Variants in GPC6 observed in about 807,000 individuals in gnomAD.
GPC6 encodes the protein glypican 6, also known as glypican-6.
In GPC6, 14 loss-of-function variants were observed where a neutral mutation model predicts 55.2. That is an observed-to-expected ratio of 0.25 (90% CI 0.17 to 0.40). GPC6 has a LOEUF of 0.40. Ranked by LOEUF, GPC6 falls within the 10% of genes least tolerant of loss-of-function variation. The probability of loss-of-function intolerance (pLI) is 1.00; values close to 1 mark genes in which losing one functional copy is unlikely to be tolerated. For synonymous variants in GPC6, 278 were observed against 259.6 expected, an observed-to-expected ratio of 1.07 and a Z score of -0.68; for missense variants, 641 against 708.5, an observed-to-expected ratio of 0.90 and a Z score of 1.08.
chr13:93,628,239 T>G (rs9561416), intron 2 of GPC6, among the ~76,000 whole-genome samples: 63,196 of 152,090 alleles, frequency 0.42, 14,856 homozygotes, highest in Middle Eastern at 0.61. Context: ...CAGTCCATTC[T>G]CTCCAGATGC....
At chr13:94,294,530 A>C (rs1875217748) in intron 5 of GPC6, among the ~76,000 whole-genome samples, 1 of 151,968 alleles carries the variant, frequency 6.6e-6, no homozygotes. Context: ...TCATCTGTGA[A>C]AGGAGGGGTT....
chr13:93,247,974 A>G (rs1279084087), intron 1 of GPC6, among the ~76,000 whole-genome samples: 1 of 152,212 alleles, frequency 6.6e-6, no homozygotes, highest in Non-Finnish European at 1.5e-5. Flanking sequence ...TATTTTTTCC[A>G]TTTTGTTGTT....
chr13:93,855,578 T>A (rs571162363), intron 3 of GPC6, among the ~76,000 whole-genome samples: 3 of 151,636 alleles, frequency 2.0e-5, no homozygotes, highest in African/African-American at 7.3e-5. Context: ...TTTATAGTTT[T>A]GGGAGAAACT....
chr13:93,551,910 TACAC>T (rs1430571395), intron 2 of GPC6, among the ~76,000 whole-genome samples: 2 of 152,168 alleles, frequency 1.3e-5, no homozygotes, highest in Non-Finnish European at 2.9e-5. Flanking sequence ...TGTATAATCA[TACAC>T]ACACAAACAC....
intron 3 of GPC6, among the ~76,000 whole-genome samples, chr13:93,885,498 G>T (rs867072664): frequency 1.3e-5 from 2 of 151,338 alleles, no homozygotes; most frequent in Admixed American, 6.6e-5. Flanking sequence ...AAGAAAATAC[G>T]AGAGATTCAA....
intron 6 of GPC6, among the ~76,000 whole-genome samples, chr13:94,380,573 T>G (rs35184091): frequency 6.6e-6 from 1 of 152,210 alleles, no homozygotes; most frequent in Admixed American, 6.5e-5. Flanking sequence ...ATATTTATTG[T>G]TATTCTTGAT....
chr13:93,881,641 A>G (rs1338144533), intron 3 of GPC6, among the ~76,000 whole-genome samples: 1 of 152,004 alleles, frequency 6.6e-6, no homozygotes, highest in African/African-American at 2.4e-5. Context: ...GAAATGTATG[A>G]GTGTTTAGTC....
intron 2 of GPC6, among the ~76,000 whole-genome samples, chr13:93,799,467 G>A (rs1886302821): frequency 6.6e-6 from 1 of 152,072 alleles, no homozygotes; most frequent in Admixed American, 6.6e-5. Flanking sequence ...TCTGTTCTGA[G>A]GTATATGAAA....
At chr13:93,272,680 A>G (rs978276580) in intron 1 of GPC6, among the ~76,000 whole-genome samples, 4 of 152,122 alleles carry the variant, frequency 2.6e-5, no homozygotes, top group African/African-American at 9.7e-5. Flanking sequence ...TTATTTGGAT[A>G]TAATGTCTGT....
At chr13:94,259,903 T>TAC (rs947063084) in intron 4 of GPC6, among the ~76,000 whole-genome samples, 1 of 151,886 alleles carries the variant, frequency 6.6e-6, no homozygotes, top group African/African-American at 2.4e-5. Context: ...CACACACACA[T>TAC]ACACACACAC....
At chr13:93,866,448 G>A (rs1421969275) in intron 3 of GPC6, among the ~76,000 whole-genome samples, 6 of 151,706 alleles carry the variant, frequency 4.0e-5, no homozygotes, top group Admixed American at 3.9e-4. Flanking sequence ...GTTCGCAATA[G>A]CAAAGACATG....
chr13:93,504,745 A>G (rs959775781), intron 1 of GPC6, among the ~76,000 whole-genome samples: 9 of 152,296 alleles, frequency 5.9e-5, no homozygotes, highest in African/African-American at 1.9e-4. Context: ...ACCAATAATT[A>G]TCTAAAAAAA....
At chr13:93,743,136 G>T (rs1325947001) in intron 2 of GPC6, among the ~76,000 whole-genome samples, 1 of 152,106 alleles carries the variant, frequency 6.6e-6, no homozygotes, top group Non-Finnish European at 1.5e-5. Flanking sequence ...TGAGCAACAG[G>T]GCCCAGAGAT....
chr13:93,231,695 C>T (rs1048636921), intron 1 of GPC6, among the ~76,000 whole-genome samples: 37 of 151,714 alleles, frequency 2.4e-4, no homozygotes, highest in South Asian at 8.3e-4. Context: ...TTTCAGTATA[C>T]TAGGCCTATT....
chr13:93,278,906 G>A (rs1877853486), intron 1 of GPC6, among the ~76,000 whole-genome samples: 1 of 152,028 alleles, frequency 6.6e-6, no homozygotes, highest in Non-Finnish European at 1.5e-5. Context: ...CTTCACTGTA[G>A]TAACCTTTTT....
At chr13:93,438,272 T>A (rs1209616687) in intron 1 of GPC6, among the ~76,000 whole-genome samples, 1 of 152,198 alleles carries the variant, frequency 6.6e-6, no homozygotes, top group Non-Finnish European at 1.5e-5. Context: ...AGGAGTCATT[T>A]CGACTTTCAA....
intron 1 of GPC6, among the ~76,000 whole-genome samples, chr13:93,296,459 G>A (rs1360952776): frequency 6.6e-6 from 1 of 152,074 alleles, no homozygotes; most frequent in African/African-American, 2.4e-5. Context: ...GCCTTGACTG[G>A]ATTAAACTCG....
chr13:93,994,102 C>T (rs1392550808), intron 3 of GPC6, among the ~76,000 whole-genome samples: 1 of 152,214 alleles, frequency 6.6e-6, no homozygotes, highest in Non-Finnish European at 1.5e-5. Flanking sequence ...TAAGAATTCT[C>T]ATGGGAGAGA....
intron 4 of GPC6, among the ~76,000 whole-genome samples, chr13:94,068,661 C>A (rs531805828): frequency 2.0e-5 from 3 of 152,192 alleles, no homozygotes; most frequent in Non-Finnish European, 2.9e-5. Flanking sequence ...GTAAATACGG[C>A]CATTGCAAAT....
Sources: allele counts gnomAD v4.1 joint callset (sites outside exome capture counted in the v4.1 genomes callset), GRCh38; gene constraint gnomAD v4.1.1; transcripts MANE v1.5; gene names NCBI Gene and HGNC (gene_info 2026-07-23, HGNC 2026-07-21).